ANXA2: variants seen among roughly 807,000 people sequenced by gnomAD.
The protein encoded by ANXA2 is annexin II.
A neutral mutation model predicts 47.3 loss-of-function variants in ANXA2; 28 were observed. That is an observed-to-expected ratio of 0.59 (90% confidence interval 0.44 to 0.81). The LOEUF is 0.81. Ranked by LOEUF, ANXA2 falls within the 40% of genes least tolerant of loss-of-function variation. The pLI is 0.00. For synonymous variants in ANXA2, 172 were observed against 155.5 expected (o/e 1.11, Z -0.79); for missense variants, 384 against 414.3 (o/e 0.93, Z 0.64).
At chr15:60,357,328 G>A in intron 5 of ANXA2, 92 bp from the exon 6 acceptor site, 1 of 1,035,416 alleles carries the variant, frequency 9.7e-7, no homozygotes. Flanking sequence ...TGCAAACATG[G>A]ATTGGGTCTG....
intron 3 of ANXA2, among the ~76,000 whole-genome samples, chr15:60,377,486 C>G (rs2062797016): frequency 6.6e-6 from 1 of 152,120 alleles, no homozygotes; most frequent in Non-Finnish European, 1.5e-5. Context: ...TGGTTCGGTT[C>G]CAGACCATCA....
chr15:60,397,918 G>T, intron 1 of ANXA2, 25 bp downstream of exon 1: 1 of 1,330,020 alleles, frequency 7.5e-7, no homozygotes, highest in East Asian at 3.1e-5. Context: ...GCCCATCGCG[G>T]GCGGGCAGGG....
In ANXA2 at chr15:60,349,167, T is replaced by C. The variant is rs1895872498; in HGVS notation, c.868A>G (p.Arg290Gly). ...GKGTRDKVLI[R>G]IMVSRSEVDM... Reference sequence around the variant, plus strand: ...ACTTCACTGCGGGAGACCATGATTCTGATCAGGACCTTATCTCGCGTCCCC... The same window carrying C: ...ACTTCACTGCGGGAGACCATGATTCCGATCAGGACCTTATCTCGCGTCCCC... Residue 290 changes from arginine (R) to glycine (G), a missense_variant, in exon 12 of 13, where the codon AGA (arginine) becomes GGA (glycine). By Grantham distance (125) the Arg-to-Gly change is moderately radical (BLOSUM62 -2). Transcript: ENST00000451270. 6.2e-7 allele frequency: 1 copy of C among 1,613,994 alleles called. No individual in the cohort carries two copies. Among genetic ancestry groups the C allele is most frequent in the Admixed American group, 1.7e-5 (1 of 60,000 alleles).
chr15:60,355,828 G>C (rs761854476), intron 7 of ANXA2, 91 bp downstream of exon 7: 17 of 1,074,672 alleles, frequency 1.6e-5, no homozygotes, highest in Non-Finnish European at 2.3e-5. Flanking sequence ...GCAGGCACAG[G>C]GGATTTAGTT....
At chr15:60,357,952 A>T (rs530820888) in intron 5 of ANXA2, among the ~76,000 whole-genome samples, 28 of 152,310 alleles carry the variant, frequency 1.8e-4, no homozygotes, top group Non-Finnish European at 3.5e-4. Context: ...ACAGATTAGA[A>T]ATTTCTTTGT....
chr15:60,393,999 G>A (rs746366014), intron 1 of ANXA2, among the ~76,000 whole-genome samples: 53 of 152,100 alleles, frequency 3.5e-4, no homozygotes, highest in Non-Finnish European at 6.8e-4. Context: ...TTCCAGTTCC[G>A]TGCATTCAGA....
rs567391868 is a variant in ANXA2, at chr15:60,378,802, C to T, written c.148+3540G>A. On this transcript the variant is annotated intron_variant, in intron 3 of 12. Transcript: ENST00000451270. ...CCAAGATGGCAAAACCCCGTCTCTA[C>T]TAAAAATACAAAAATTAGCCAGGCA... Among the ~76,000 whole-genome samples the T allele has an allele frequency of 4.2e-4, 64 of 152,090 alleles. 3 individuals carry two copies. In the South Asian group the frequency reaches 0.013, roughly 30 times the overall value.
At chr15:60,359,865 C>T (rs1416211374) in intron 5 of ANXA2, among the ~76,000 whole-genome samples, 1 of 152,200 alleles carries the variant, frequency 6.6e-6, no homozygotes, top group Non-Finnish European at 1.5e-5. Context: ...AGGGCAGTGT[C>T]GGACTGTTCA....
intron 3 of ANXA2, among the ~76,000 whole-genome samples, chr15:60,372,042 G>A (rs1338785258): frequency 1.3e-5 from 2 of 152,048 alleles, no homozygotes; most frequent in Non-Finnish European, 2.9e-5. Context: ...CCAGCTACTC[G>A]GGAGGCTGAG....
intron 1 of ANXA2, chr15:60,394,789 CA>C (rs918332361): frequency 6.6e-6 from 1 of 151,880 alleles, no homozygotes; most frequent in African/African-American, 2.4e-5. Flanking sequence ...CCCAGAAGGA[CA>C]AATATGGGCA....
At chr15:60,396,536 A>T (rs1595715992) in intron 1 of ANXA2, 1 of 152,356 alleles carries the variant, frequency 6.6e-6, no homozygotes, top group East Asian at 1.9e-4. Flanking sequence ...AAAGTTCCAG[A>T]AAAATATTTC....
At chr15:60,372,983 T>C (rs2140882395) in intron 3 of ANXA2, among the ~76,000 whole-genome samples, 1 of 152,274 alleles carries the variant, frequency 6.6e-6, no homozygotes, top group East Asian at 1.9e-4. Flanking sequence ...CCAACATTCT[T>C]TTCTCAACAC....
At chr15:60,370,037 G>A (rs185239946) in intron 3 of ANXA2, among the ~76,000 whole-genome samples, 100 of 152,144 alleles carry the variant, frequency 6.6e-4, no homozygotes, top group Middle Eastern at 3.4e-3. Flanking sequence ...TCCAATTATC[G>A]GAGATCCCCA....
At chr15:60,384,437 CAA>C (rs1422113636) in intron 2 of ANXA2, 3 of 152,166 alleles carry the variant, frequency 2.0e-5, no homozygotes, top group African/African-American at 7.2e-5. Flanking sequence ...ATTAGTGAGA[CAA>C]AGTTATCTTT....
At position 60,349,166 on chromosome 15, in the gene ANXA2, C is replaced by T; in HGVS notation, c.869G>A (p.Arg290Lys). 1 of 1,614,080 alleles carries T rather than the reference C, an allele frequency of 6.2e-7. No homozygotes were observed. Among genetic ancestry groups the T allele is most frequent in the East Asian group, 2.2e-5 (1 of 44,882 alleles). The change falls in exon 12 of 13, where the codon AGA becomes AAA. Residue 290 changes from arginine to lysine, a missense_variant. Transcript: ENST00000451270. ...GKGTRDKVLI[R>K]IMVSRSEVDM... ...CACTTCACTGCGGGAGACCATGATT[C>T]TGATCAGGACCTTATCTCGCGTCCC... is the stretch of plus-strand genomic sequence containing the variant.
chr15:60,391,991 C>CA (rs1461208335), intron 1 of ANXA2, among the ~76,000 whole-genome samples: 2 of 151,908 alleles, frequency 1.3e-5, no homozygotes, highest in Non-Finnish European at 2.9e-5. Flanking sequence ...AGGGCAGGGT[C>CA]ACTAGACAAC....
At chr15:60,357,258 C>T (rs1188382691) in intron 5 of ANXA2, 22 bp from the exon 6 acceptor site, 2 of 1,602,196 alleles carry the variant, frequency 1.2e-6, no homozygotes, top group Non-Finnish European at 1.7e-6. Context: ...GAAGCACGAA[C>T]ATCAGCAGGG....
chr15:60,380,159 C>T (rs1016564723), intron 3 of ANXA2, among the ~76,000 whole-genome samples: 8 of 152,090 alleles, frequency 5.3e-5, no homozygotes, highest in South Asian at 2.1e-4. Context: ...TGTGCTTGTA[C>T]GTGTGTGTGT....
Position 60,355,928 on chromosome 15 carries a change from G to C in ANXA2, c.519C>G (p.Ala173=). ...TSGDFRKLMV[A]LAKGRRAEDG... ...AAACTGGGAAACCAACCTTTGCCAG[G>C]GCAACCATCAGCTTGCGGAAGTCAC... is the stretch of plus-strand genomic sequence containing the variant. The change falls in exon 7 of 13, where the codon GCC becomes GCG. Residue 173 remains alanine, a synonymous_variant. Coordinates refer to ENST00000451270, the MANE Select transcript of ANXA2 (RefSeq NM_004039.3). 9.3e-6 allele frequency: 15 copies of C among 1,613,910 alleles called. No homozygotes were observed. Among genetic ancestry groups the C allele is most frequent in the Non-Finnish European group, 1.3e-5 (15 of 1,179,788 alleles).
Sources: gnomAD v4.1 joint callset for allele counts (sites outside exome capture counted in the v4.1 genomes callset) on GRCh38, gnomAD v4.1.1 for gene constraint, MANE v1.5 for transcripts, NCBI Gene and HGNC (gene_info 2026-07-23, HGNC 2026-07-21) for gene names.